Variants in GRIN2B observed in about 807,000 individuals in gnomAD.
GRIN2B encodes glutamate ionotropic receptor NMDA type subunit 2B.
Under a neutral mutation model 114.5 loss-of-function variants are expected in GRIN2B, and 5 were observed. That is an observed-to-expected ratio of 0.04 (90% CI 0.02 to 0.09). The LOEUF (loss-of-function observed/expected upper bound fraction) is 0.09. Among genes scored for constraint, GRIN2B ranks in the 10% least tolerant of loss-of-function variants. The probability of loss-of-function intolerance (pLI) is 1.00; values close to 1 mark genes in which losing one functional copy is unlikely to be tolerated. For synonymous variants in GRIN2B, 787 were observed against 745.1 expected (o/e 1.06, Z -0.92); for missense variants, 1,108 against 1,943.5 (o/e 0.57, Z 8.08).
In GRIN2B at chr12:13,623,260, C is replaced by CA. The variant is rs113731284; in HGVS notation, c.1126-6604dup. On this transcript the variant is annotated intron_variant, in intron 5 of 13. Coordinates refer to ENST00000609686, the MANE Select transcript of GRIN2B (RefSeq NM_000834.5). ...GCCCTATTGATATTTATGATATTTC[C>CA]AAAAAATTAACCAGAAGACATAATA... Among the ~76,000 whole-genome samples the CA allele has an allele frequency of 5.2e-3, 784 of 152,154 alleles. 5 individuals carry two copies. Among genetic ancestry groups the CA allele is most frequent in the African/African-American group, 0.018 (751 of 41,512 alleles).
chr12:13,663,540 T>C lies in GRIN2B; in HGVS notation c.1125+12205A>G, dbSNP rs1284609251. Among the ~76,000 whole-genome samples, 4 of 152,234 alleles carry C rather than the reference T, an allele frequency of 2.6e-5. No homozygotes were observed. In the East Asian group the frequency reaches 7.7e-4, roughly 29 times the overall value. On this transcript the variant is annotated intron_variant, in intron 5 of 13. Coordinates refer to ENST00000609686, the MANE Select transcript of GRIN2B (RefSeq NM_000834.5). The stretch of plus-strand genomic sequence containing the variant: ...CAAAACTGAGGGGTTTCTAATTGCC[T>C]GATTTCTGAGTGATAGGCCCAGCAT...
At chr12:13,653,434 C>T (rs149297960) in intron 5 of GRIN2B, among the ~76,000 whole-genome samples, 1 of 151,932 alleles carries the variant, frequency 6.6e-6, no homozygotes, top group African/African-American at 2.4e-5. Flanking sequence ...TTCATGAAGT[C>T]TGTGTAGATG....
At chr12:13,924,652 C>T (rs571561442) in intron 2 of GRIN2B, among the ~76,000 whole-genome samples, 40 of 152,286 alleles carry the variant, frequency 2.6e-4, no homozygotes, top group South Asian at 1.9e-3. Flanking sequence ...AGTCTCATCA[C>T]GGTCAAAGCA....
intron 5 of GRIN2B, among the ~76,000 whole-genome samples, chr12:13,666,481 A>C (rs1245490106): frequency 1.3e-5 from 2 of 152,186 alleles, no homozygotes; most frequent in East Asian, 3.9e-4. Context: ...AACAGAGAAA[A>C]TTATAAAATC....
intron 10 of GRIN2B, among the ~76,000 whole-genome samples, chr12:13,572,788 T>C (rs924530735): frequency 1.3e-5 from 2 of 152,240 alleles, no homozygotes; most frequent in African/African-American, 4.8e-5. Context: ...TCTGTCTCTC[T>C]AGGCCAATTT....
chr12:13,784,866 A>G (rs1864195937), intron 3 of GRIN2B, among the ~76,000 whole-genome samples: 1 of 152,246 alleles, frequency 6.6e-6, no homozygotes, highest in Non-Finnish European at 1.5e-5. Flanking sequence ...ACCAAAGCTG[A>G]CCACAGATGC....
At chr12:13,815,126 C>T (rs977179984) in intron 3 of GRIN2B, among the ~76,000 whole-genome samples, 7 of 152,122 alleles carry the variant, frequency 4.6e-5, no homozygotes, top group African/African-American at 1.4e-4. Context: ...CCAATGTGAC[C>T]TAGATGTAGC....
intron 5 of GRIN2B, among the ~76,000 whole-genome samples, chr12:13,649,501 T>G (rs1949795300): frequency 1.3e-5 from 2 of 152,108 alleles, no homozygotes; most frequent in East Asian, 3.9e-4. Context: ...TTAAGCAACT[T>G]TTTTTACTAC....
rs3082840 is a variant in GRIN2B at position 13,855,049 on chromosome 12, GAAA to G, written c.411+10746_411+10748del. ...AACATGGTGAAACCCCATCTCTACT[GAAA>G]AAAAAAAAAAAAAAAAATTGCCTGG... On this transcript the variant is annotated intron_variant, in intron 3 of 13. Coordinates refer to ENST00000609686, the MANE Select transcript of GRIN2B (RefSeq NM_000834.5). Among the ~76,000 whole-genome samples the G allele has an allele frequency of 1.7e-3, 149 of 88,014 alleles. 1 individual carries two copies. Among genetic ancestry groups the G allele is most frequent in the East Asian group, 8.0e-3 (27 of 3,394 alleles). 57.7% of individuals were successfully genotyped at this position (88,014 alleles called of 152,430 possible).
chr12:13,770,518 T>C (rs1024164530), intron 3 of GRIN2B, among the ~76,000 whole-genome samples: 3 of 152,160 alleles, frequency 2.0e-5, no homozygotes, highest in African/African-American at 7.2e-5. Flanking sequence ...TCACAGAAAT[T>C]TGGTGTGTGA....
At chr12:13,808,268 C>T (rs559083948) in intron 3 of GRIN2B, among the ~76,000 whole-genome samples, 107 of 152,162 alleles carry the variant, frequency 7.0e-4, no homozygotes, top group African/African-American at 2.4e-3. Context: ...CTTCTAGGGC[C>T]ACTTTGAGTT....
chr12:13,798,276 AG>A (rs1338551687), intron 3 of GRIN2B, among the ~76,000 whole-genome samples: 1 of 150,192 alleles, frequency 6.7e-6, no homozygotes, highest in African/African-American at 2.4e-5. Context: ...ACAAGGAAAT[AG>A]TATCATTCAT....
Position 13,971,605 on chromosome 12 carries a change from A to G in GRIN2B, c.-19+8323T>C, listed in dbSNP as rs569039668. Among the ~76,000 whole-genome samples the G allele has an allele frequency of 5.9e-5, 9 of 152,296 alleles. No homozygotes were observed. In the East Asian group the frequency reaches 1.7e-3, roughly 29 times the overall value. On this transcript the variant is annotated intron_variant, in intron 2 of 13. Transcript: ENST00000609686. ...ATTGCACCATTCACACCCCTCACCA[A>G]TCAATCAAGGTCTGCTTAGCCAGCC... is the stretch of plus-strand genomic sequence containing the variant.
rs566037082 is a variant in GRIN2B at position 13,798,009 on chromosome 12, A to C, written c.412-44094T>G. ...TTCTACCTGCTCAAAGTCAATCTTT[A>C]AGTCACAACTATGATTCTGAAGCCT... On this transcript the variant is annotated intron_variant, in intron 3 of 13. Coordinates refer to ENST00000609686, the MANE Select transcript of GRIN2B (RefSeq NM_000834.5). Among the ~76,000 whole-genome samples, 102 of 152,338 alleles carry C rather than the reference A, an allele frequency of 6.7e-4. 1 individual carries two copies. The highest frequency in any genetic ancestry group is 2.3e-3 in the African/African-American group (97 of 41,578).
chr12:13,904,601 C>G (rs1184927471), intron 2 of GRIN2B, among the ~76,000 whole-genome samples: 1 of 152,088 alleles, frequency 6.6e-6, no homozygotes, highest in Non-Finnish European at 1.5e-5. Flanking sequence ...GACATTTCAT[C>G]TTGGGCTTAT....
chr12:13,759,216 G>A (rs1863634895), intron 3 of GRIN2B, among the ~76,000 whole-genome samples: 1 of 151,426 alleles, frequency 6.6e-6, no homozygotes, highest in Admixed American at 6.6e-5. Flanking sequence ...TCATCATGTT[G>A]GCCAGGATGG....
intron 10 of GRIN2B, among the ~76,000 whole-genome samples, chr12:13,572,375 TAC>T (rs1382816218): frequency 2.6e-5 from 4 of 152,218 alleles, no homozygotes; most frequent in African/African-American, 9.6e-5. Flanking sequence ...AAGGCCTAAA[TAC>T]ACAGTCATTG....
chr12:13,749,350 C>A (rs1286958657), intron 4 of GRIN2B, among the ~76,000 whole-genome samples: 1 of 152,156 alleles, frequency 6.6e-6, no homozygotes, highest in Non-Finnish European at 1.5e-5. Flanking sequence ...ACCTGTACCT[C>A]CCCCTACAAT....
chr12:13,930,027 C>G (rs1591627448), intron 2 of GRIN2B, among the ~76,000 whole-genome samples: 1 of 151,836 alleles, frequency 6.6e-6, no homozygotes, highest in Non-Finnish European at 1.5e-5. Flanking sequence ...CTACTAACAA[C>G]ACAAAAATTA....
Sources: gnomAD v4.1 joint callset for allele counts (sites outside exome capture counted in the v4.1 genomes callset) on GRCh38, gnomAD v4.1.1 for gene constraint, MANE v1.5 for transcripts, NCBI Gene and HGNC (gene_info 2026-07-23, HGNC 2026-07-21) for gene names.